The following SMYD3 variants were observed in gnomAD, a reference collection of about 807,000 sequenced individuals.
SMYD3 encodes the protein SET and MYND domain containing 3, also known as histone-lysine N-methyltransferase SMYD3.
In SMYD3, 36 loss-of-function variants were observed where a neutral mutation model predicts 57.7. The observed-to-expected ratio is 0.62, with a 90% CI of 0.48 to 0.82. The LOEUF (loss-of-function observed/expected upper bound fraction) is 0.82. SMYD3 is among the 40% of genes least tolerant of loss of function. The pLI is 0.00. For synonymous variants in SMYD3, 211 were observed against 195.0 expected (o/e 1.08, Z -0.68); for missense variants, 515 against 538.8 (o/e 0.96, Z 0.44).
chr1:246,074,374 A>AC (rs201338251), intron 5 of SMYD3, among the ~76,000 whole-genome samples: 2,956 of 152,128 alleles, frequency 0.019, 141 homozygotes, highest in East Asian at 0.16. Flanking sequence ...TTAAAAAAAA[A>AC]AAACAAACTG....
At chr1:246,239,185 T>G (rs1201411036) in intron 5 of SMYD3, among the ~76,000 whole-genome samples, 1 of 152,200 alleles carries the variant, frequency 6.6e-6, no homozygotes. Context: ...GCCATGTTGG[T>G]GTGCTGCACC....
chr1:246,420,725 A>C (rs1328546375), intron 1 of SMYD3, among the ~76,000 whole-genome samples: 1 of 152,244 alleles, frequency 6.6e-6, no homozygotes, highest in Non-Finnish European at 1.5e-5. Flanking sequence ...ATCTTCAAAA[A>C]AGTATTAAAA....
chr1:246,107,104 G>C (rs978376193), intron 5 of SMYD3, among the ~76,000 whole-genome samples: 1 of 108,554 alleles, frequency 9.2e-6, no homozygotes, highest in African/African-American at 4.0e-5. Context: ...TCGAGACCAC[G>C]GTGAAACCCC....
At chr1:246,476,398 A>T (rs1418757287) in intron 1 of SMYD3, among the ~76,000 whole-genome samples, 2 of 152,218 alleles carry the variant, frequency 1.3e-5, no homozygotes, top group Non-Finnish European at 2.9e-5. Context: ...CATCACCTGG[A>T]GATCTTGTTA....
intron 5 of SMYD3, among the ~76,000 whole-genome samples, chr1:246,294,176 T>C (rs138730263): frequency 1.0e-3 from 158 of 152,300 alleles, no homozygotes; most frequent in African/African-American, 3.5e-3. Context: ...CTCCACAGCA[T>C]TAGCCATCAT....
chr1:246,338,172 A>G (rs2148676260), intron 2 of SMYD3, among the ~76,000 whole-genome samples: 1 of 152,338 alleles, frequency 6.6e-6, no homozygotes, highest in South Asian at 2.1e-4. Flanking sequence ...ATGGTACCAC[A>G]TATCAGCCCA....
chr1:246,185,123 T>C (rs1000989223), intron 5 of SMYD3, among the ~76,000 whole-genome samples: 1 of 152,272 alleles, frequency 6.6e-6, no homozygotes, highest in Non-Finnish European at 1.5e-5. Flanking sequence ...AATGGTGTTA[T>C]ATGCCAAGAA....
At chr1:246,498,452 G>C (rs1012707202) in intron 1 of SMYD3, among the ~76,000 whole-genome samples, 3 of 152,268 alleles carry the variant, frequency 2.0e-5, no homozygotes, top group Admixed American at 6.5e-5. Flanking sequence ...CACACATATA[G>C]GCCGGGCACA....
chr1:246,020,653 C>T (rs1572900615), intron 5 of SMYD3, among the ~76,000 whole-genome samples: 1 of 152,144 alleles, frequency 6.6e-6, no homozygotes, highest in Non-Finnish European at 1.5e-5. Context: ...ATTCTAAATG[C>T]TCTATCGGTG....
chr1:246,452,252 T>C (rs2067643428), intron 1 of SMYD3, among the ~76,000 whole-genome samples: 1 of 152,148 alleles, frequency 6.6e-6, no homozygotes, highest in Non-Finnish European at 1.5e-5. Context: ...ACACCTGTAA[T>C]TCTAGCACTT....
chr1:246,037,926 C>T (rs995296893), intron 5 of SMYD3, among the ~76,000 whole-genome samples: 1 of 152,164 alleles, frequency 6.6e-6, no homozygotes, highest in Non-Finnish European at 1.5e-5. Context: ...ATAATAAATA[C>T]TGTTGGTTTT....
At chr1:246,166,627 C>G (rs910598740) in intron 5 of SMYD3, among the ~76,000 whole-genome samples, 1 of 152,138 alleles carries the variant, frequency 6.6e-6, no homozygotes. Context: ...TTGTGCTTGT[C>G]CACACATGTA....
At chr1:246,238,779 T>TA (rs1261230101) in intron 5 of SMYD3, among the ~76,000 whole-genome samples, 3 of 152,050 alleles carry the variant, frequency 2.0e-5, no homozygotes, top group South Asian at 2.1e-4. Context: ...GATAATTAGA[T>TA]AAAAAATAGC....
intron 1 of SMYD3, among the ~76,000 whole-genome samples, chr1:246,486,634 T>C (rs1288012964): frequency 2.6e-5 from 4 of 152,144 alleles, no homozygotes; most frequent in Non-Finnish European, 5.9e-5. Flanking sequence ...TCAAAGAGAT[T>C]AAGTGATTTG....
chr1:246,333,703 G>A (rs759055876), intron 3 of SMYD3, among the ~76,000 whole-genome samples: 10 of 151,450 alleles, frequency 6.6e-5, no homozygotes, highest in Non-Finnish European at 1.2e-4. Context: ...ATGAAACTTC[G>A]TCTTTCCAAA....
intron 5 of SMYD3, among the ~76,000 whole-genome samples, chr1:246,317,926 T>G (rs1173618513): frequency 6.6e-6 from 1 of 152,188 alleles, no homozygotes; most frequent in Non-Finnish European, 1.5e-5. Flanking sequence ...AAACCTGGAA[T>G]AATTAATATA....
intron 9 of SMYD3, among the ~76,000 whole-genome samples, chr1:245,859,588 C>T (rs866920892): frequency 3.9e-5 from 6 of 152,146 alleles, no homozygotes; most frequent in East Asian, 1.9e-4. Context: ...GGAAACACAG[C>T]GAAGGCCAGA....
At chr1:246,401,964 C>T (rs2066776778) in intron 1 of SMYD3, among the ~76,000 whole-genome samples, 1 of 151,996 alleles carries the variant, frequency 6.6e-6, no homozygotes, top group Admixed American at 6.6e-5. Flanking sequence ...TCAGGTGATC[C>T]GCCCATCCCA....
At chr1:246,421,218 T>C (rs2067138551) in intron 1 of SMYD3, among the ~76,000 whole-genome samples, 1 of 152,186 alleles carries the variant, frequency 6.6e-6, no homozygotes, top group Non-Finnish European at 1.5e-5. Context: ...TTTCATTGTA[T>C]TACACAAAAC....
Sources: gnomAD v4.1 joint callset for allele counts (sites outside exome capture counted in the v4.1 genomes callset) on GRCh38, gnomAD v4.1.1 for gene constraint, MANE v1.5 for transcripts, NCBI Gene and HGNC (gene_info 2026-07-23, HGNC 2026-07-21) for gene names.